TBC1D14: variants seen among roughly 807,000 people sequenced by gnomAD.
The protein encoded by TBC1D14 is TBC1 domain family member 14.
TBC1D14 carries 26 observed loss-of-function variants against 79.0 expected under a neutral mutation model. The observed-to-expected ratio is 0.33, with a 90% CI of 0.24 to 0.46. TBC1D14 has a LOEUF of 0.46. Ranked by LOEUF, TBC1D14 falls within the 20% of genes least tolerant of loss-of-function variation. The pLI, the probability that TBC1D14 is intolerant of heterozygous loss-of-function variation, is 1.00. For synonymous variants in TBC1D14, 394 were observed against 349.9 expected, an observed-to-expected ratio of 1.13 and a Z score of -1.40; for missense variants, 769 against 887.6, an observed-to-expected ratio of 0.87 and a Z score of 1.70.
chr4:6,987,044 A>G, intron 3 of TBC1D14: 1 of 271,708 alleles, frequency 3.7e-6, no homozygotes, highest in Non-Finnish European at 5.7e-6. Flanking sequence ...CCCGGTGTTT[A>G]CGGCCGGTGG....
chr4:7,024,079 C>T (rs1722096260), intron 12 of TBC1D14, among the ~76,000 whole-genome samples: 1 of 152,240 alleles, frequency 6.6e-6, no homozygotes, highest in Non-Finnish European at 1.5e-5. Context: ...CAGGCCGCAT[C>T]TAACGGAGCA....
chr4:7,020,911 C>G (rs560157520), intron 12 of TBC1D14, among the ~76,000 whole-genome samples: 1 of 152,192 alleles, frequency 6.6e-6, no homozygotes, highest in Admixed American at 6.6e-5. Flanking sequence ...ATGGAAAAGA[C>G]GATTGTACCT....
chr4:6,931,239 C>T (rs1360607872), intron 2 of TBC1D14, among the ~76,000 whole-genome samples: 4 of 152,190 alleles, frequency 2.6e-5, no homozygotes, highest in African/African-American at 7.2e-5. Flanking sequence ...TCCCCCATCC[C>T]GAGGGATTAA....
chr4:7,016,664 C>T (rs1362075696), intron 12 of TBC1D14, among the ~76,000 whole-genome samples: 10 of 152,330 alleles, frequency 6.6e-5, no homozygotes, highest in African/African-American at 2.2e-4. Context: ...ATGCTGGGAA[C>T]GGTGGTTTCA....
At chr4:6,947,114 A>C (rs551611812) in intron 2 of TBC1D14, among the ~76,000 whole-genome samples, 1 of 152,204 alleles carries the variant, frequency 6.6e-6, no homozygotes, top group African/African-American at 2.4e-5. Flanking sequence ...TAATCCCAGC[A>C]CTTTGGGAGG....
intron 12 of TBC1D14, among the ~76,000 whole-genome samples, chr4:7,016,402 C>T (rs1456741451): frequency 6.6e-6 from 1 of 152,228 alleles, no homozygotes; most frequent in Non-Finnish European, 1.5e-5. Flanking sequence ...GGCTGCCCCA[C>T]CGTGTGCATT....
At chr4:6,997,767 A>C (rs534192231) in intron 5 of TBC1D14, among the ~76,000 whole-genome samples, 87 of 152,358 alleles carry the variant, frequency 5.7e-4, no homozygotes, top group African/African-American at 1.9e-3. Context: ...CAATCAATCA[A>C]AACAGGACAA....
At position 7,031,410 on chromosome 4, in the gene TBC1D14, C is replaced by T. The variant is rs1421242237; in HGVS notation, c.*1018C>T. On this transcript the variant is annotated 3_prime_UTR_variant, in exon 14 of 14. Transcript: ENST00000409757. ...ACTTTAGAACGTGTGCTTCATGACCCGTTGTACAGACGGAGGAGCGAGCAA... is the reference window on the plus strand; with the variant it reads ...ACTTTAGAACGTGTGCTTCATGACCTGTTGTACAGACGGAGGAGCGAGCAA... 2.0e-5 allele frequency: 3 copies of T among 152,242 alleles called. No individual in the cohort carries two copies. Among genetic ancestry groups the T allele is most frequent in the Non-Finnish European group, 4.4e-5 (3 of 68,064 alleles). 9.4% of individuals were successfully genotyped at this position (152,242 alleles called of 1,614,324 possible).
chr4:7,032,499 C>T lies in TBC1D14; in HGVS notation c.*2107C>T, dbSNP rs1464658459. The T allele has an allele frequency of 6.6e-6, 1 of 152,592 alleles. No homozygotes were observed. The highest frequency in any genetic ancestry group is 1.5e-5 in the Non-Finnish European group (1 of 68,060). The allele number at this position is 152,592 out of a possible 1,614,324, so 9.5% of individuals were successfully genotyped here. A position where few individuals can be genotyped will look rare whatever the true frequency, so the allele number is the denominator to read the frequency against. On this transcript the variant is annotated 3_prime_UTR_variant, in exon 14 of 14. Coordinates refer to ENST00000409757, the MANE Select transcript of TBC1D14 (RefSeq NM_020773.3). The stretch of plus-strand genomic sequence containing the variant: ...TTCACATCAGTCTCTCCAGATAGCA[C>T]TACGATGTATTCCGCTTCTGAACAG...
chr4:6,998,187 C>T (rs556549366), intron 5 of TBC1D14, among the ~76,000 whole-genome samples: 39 of 152,120 alleles, frequency 2.6e-4, no homozygotes, highest in African/African-American at 7.7e-4. Flanking sequence ...TGGTAAAACC[C>T]TGTCTCTACT....
At chr4:6,932,203 T>C (rs1263264043) in intron 2 of TBC1D14, among the ~76,000 whole-genome samples, 2 of 151,666 alleles carry the variant, frequency 1.3e-5, no homozygotes, top group African/African-American at 4.8e-5. Flanking sequence ...CTACTAAAAA[T>C]ACAAAAATTA....
intron 2 of TBC1D14, among the ~76,000 whole-genome samples, chr4:6,950,747 C>G (rs1713963277): frequency 6.6e-6 from 1 of 152,162 alleles, no homozygotes. Context: ...ACTTCGCATT[C>G]TTAGAATAAT....
chr4:6,932,676 T>C (rs1711874091), intron 2 of TBC1D14, among the ~76,000 whole-genome samples: 1 of 152,158 alleles, frequency 6.6e-6, no homozygotes, highest in South Asian at 2.1e-4. Context: ...CCAGTGGCCA[T>C]TCACAGGTGC....
At chr4:6,913,976 A>G (rs1329428322) in intron 1 of TBC1D14, among the ~76,000 whole-genome samples, 1 of 152,026 alleles carries the variant, frequency 6.6e-6, no homozygotes, top group Non-Finnish European at 1.5e-5. Flanking sequence ...AACAACAACA[A>G]CAACAAAAAA....
chr4:7,004,062 C>T (rs1054672966), intron 7 of TBC1D14, among the ~76,000 whole-genome samples: 10 of 152,092 alleles, frequency 6.6e-5, no homozygotes, highest in South Asian at 2.1e-4. Flanking sequence ...TGGGCTGTGT[C>T]GGGGAACAGG....
chr4:6,978,816 C>G (rs1230245794), intron 3 of TBC1D14, among the ~76,000 whole-genome samples: 1 of 150,770 alleles, frequency 6.6e-6, no homozygotes, highest in African/African-American at 2.4e-5. Flanking sequence ...AATGAAATGA[C>G]GTGTGCATGG....
chr4:6,985,605 T>C (rs1055238302), intron 3 of TBC1D14, among the ~76,000 whole-genome samples: 1 of 152,172 alleles, frequency 6.6e-6, no homozygotes, highest in African/African-American at 2.4e-5. Flanking sequence ...TAAAACATAA[T>C]CTTTGGGGTT....
intron 10 of TBC1D14, 51 bp downstream of exon 10, chr4:7,009,999 C>G: frequency 6.3e-7 from 1 of 1,597,346 alleles, no homozygotes; most frequent in Non-Finnish European, 8.6e-7. Context: ...AAAAGAAAGT[C>G]AGATATTGTC....
At chr4:6,958,941 T>C (rs1052572943) in intron 2 of TBC1D14, among the ~76,000 whole-genome samples, 2 of 151,466 alleles carry the variant, frequency 1.3e-5, no homozygotes, top group Non-Finnish European at 2.9e-5. Context: ...TGGAGTGCAG[T>C]GGTGGGATCT....
Sources: allele counts gnomAD v4.1 joint callset (sites outside exome capture counted in the v4.1 genomes callset), GRCh38; gene constraint gnomAD v4.1.1; transcripts MANE v1.5; gene names NCBI Gene and HGNC (gene_info 2026-07-23, HGNC 2026-07-21).